The following FHIP1A variants were observed in gnomAD, a reference collection of about 807,000 sequenced individuals.
The protein encoded by FHIP1A is FHF complex subunit HOOK interacting protein 1A, also known as FHF complex subunit HOOK-interacting protein 1A.
Under a neutral mutation model 88.6 loss-of-function variants are expected in FHIP1A, and 61 were observed. The ratio of observed to expected loss-of-function variants is 0.69; its 90% CI spans 0.56 to 0.85. The LOEUF is 0.85. Among genes scored for constraint, FHIP1A ranks in the 40% least tolerant of loss-of-function variants. The pLI, the probability that FHIP1A is intolerant of heterozygous loss-of-function variation, is 0.00. For synonymous variants in FHIP1A, 478 were observed against 496.0 expected (o/e 0.96, Z 0.48); for missense variants, 1,154 against 1,273.5 (o/e 0.91, Z 1.43).
At chr4:151,613,267 T>C (rs531193124) in intron 7 of FHIP1A, among the ~76,000 whole-genome samples, 9 of 152,250 alleles carry the variant, frequency 5.9e-5, no homozygotes, top group Non-Finnish European at 1.3e-4. Context: ...TATTCAAGAA[T>C]GTACAGCATT....
At chr4:151,626,460 A>G (rs904218841) in intron 7 of FHIP1A, among the ~76,000 whole-genome samples, 2 of 152,324 alleles carry the variant, frequency 1.3e-5, no homozygotes. Flanking sequence ...ACTGACACAT[A>G]ATAGTGCTTA....
At chr4:151,531,018 A>T (rs1731858526) in intron 3 of FHIP1A, among the ~76,000 whole-genome samples, 1 of 152,190 alleles carries the variant, frequency 6.6e-6, no homozygotes, top group Non-Finnish European at 1.5e-5. Context: ...AGTAATGGAC[A>T]GGAGCCTTAA....
chr4:151,586,465 A>G (rs1252292630), intron 5 of FHIP1A, among the ~76,000 whole-genome samples, 176 bp from the exon 6 acceptor site: 1 of 152,016 alleles, frequency 6.6e-6, no homozygotes, highest in Non-Finnish European at 1.5e-5. Flanking sequence ...GTCCTTCCCT[A>G]CTGTCTTCAC....
intron 2 of FHIP1A, among the ~76,000 whole-genome samples, chr4:151,478,513 G>A (rs1729787434): frequency 6.6e-6 from 1 of 152,060 alleles, no homozygotes; most frequent in African/African-American, 2.4e-5. Flanking sequence ...TATAAATACT[G>A]CTTATTGAGT....
At chr4:151,485,165 TATA>T (rs1730032236) in intron 3 of FHIP1A, among the ~76,000 whole-genome samples, 1 of 152,180 alleles carries the variant, frequency 6.6e-6, no homozygotes, top group African/African-American at 2.4e-5. Flanking sequence ...ATTTTTAAAT[TATA>T]ATCTGTGCCT....
In FHIP1A at chr4:151,656,121, C is replaced by T; in HGVS notation, c.2552-111C>T. ...CCATATTTGCTGTGTCTGGCTTGCA[C>T]CTGTGGGCCCATGGTGGTTTGGGAG... On this transcript the variant is annotated intron_variant, in intron 11 of 13. Coordinates refer to ENST00000435205, the MANE Select transcript of FHIP1A (RefSeq NM_001109977.3). This position sits in a 1 kb window ranked among gnomAD's most constrained non-coding sequence, Gnocchi z 4.2. 4 of 833,468 alleles carry T rather than the reference C, an allele frequency of 4.8e-6. No individual in the cohort carries two copies. The highest frequency in any genetic ancestry group is 5.4e-5 in the East Asian group (2 of 36,994). The allele number at this position is 833,468 out of a possible 1,614,324, so 51.6% of individuals were successfully genotyped here. A position where few individuals can be genotyped will look rare whatever the true frequency, so the allele number is the denominator to read the frequency against.
chr4:151,486,967 T>TAA (rs72527669), intron 3 of FHIP1A, among the ~76,000 whole-genome samples: 47 of 144,048 alleles, frequency 3.3e-4, no homozygotes, highest in Admixed American at 6.2e-4. Context: ...AAACTCCATT[T>TAA]AAAAAAAAAA....
At chr4:151,585,389 G>A (rs1018332876) in intron 5 of FHIP1A, among the ~76,000 whole-genome samples, 17 of 152,112 alleles carry the variant, frequency 1.1e-4, no homozygotes, top group Non-Finnish European at 1.5e-4. Flanking sequence ...CATGTTGGCC[G>A]GACTGGTCTC....
chr4:151,526,798 C>A (rs1660073829), intron 3 of FHIP1A, among the ~76,000 whole-genome samples: 1 of 151,004 alleles, frequency 6.6e-6, no homozygotes, highest in Admixed American at 6.6e-5. Flanking sequence ...GGGCTCTTCA[C>A]TTCTCAGACG....
intron 3 of FHIP1A, among the ~76,000 whole-genome samples, chr4:151,554,242 C>A (rs960268427): frequency 6.6e-6 from 1 of 152,142 alleles, no homozygotes; most frequent in East Asian, 1.9e-4. Context: ...TAAACAGTGG[C>A]TTTTCTCACT....
At position 151,625,120 on chromosome 4, in the gene FHIP1A, C is replaced by G. The variant is rs1479521582; in HGVS notation, c.979-4582C>G. On this transcript the variant is annotated intron_variant, in intron 7 of 13. Coordinates refer to ENST00000435205, the MANE Select transcript of FHIP1A (RefSeq NM_001109977.3). ...GCGGGTAGGCTCGTAGCCTGTGTTC[C>G]CTGTTAAGACCCTTTCACTCCTGTT... Among the ~76,000 whole-genome samples, 3 of 152,214 alleles carry G rather than the reference C, an allele frequency of 2.0e-5. No individual in the cohort carries two copies. In the East Asian group the frequency reaches 5.8e-4, roughly 29 times the overall value.
intron 1 of FHIP1A, among the ~76,000 whole-genome samples, chr4:151,425,828 CCTGT>C (rs1189952194): frequency 6.6e-6 from 1 of 152,032 alleles, no homozygotes; most frequent in Admixed American, 6.6e-5. Flanking sequence ...TACATGTGTC[CCTGT>C]CTAATTTCTT....
intron 2 of FHIP1A, among the ~76,000 whole-genome samples, chr4:151,464,109 T>A (rs939183157): frequency 6.6e-6 from 1 of 152,148 alleles, no homozygotes. Flanking sequence ...GGACTTGAAC[T>A]CCCACTCCTG....
intron 13 of FHIP1A, among the ~76,000 whole-genome samples, chr4:151,661,235 G>A (rs566671219): frequency 6.6e-6 from 1 of 152,214 alleles, no homozygotes; most frequent in African/African-American, 2.4e-5. Context: ...CTCCAAGGTT[G>A]ACATGTACCT....
rs758462158 is a variant in FHIP1A, at chr4:151,650,376, C to A, written c.2335C>A (p.Pro779Thr). 5 of 1,551,550 alleles carry A rather than the reference C, an allele frequency of 3.2e-6. No homozygotes were observed. The highest frequency in any genetic ancestry group is 2.7e-5 in the African/African-American group (2 of 73,012). The change falls in exon 11 of 14, where the codon CCC becomes ACC. Residue 779 changes from proline (P) to threonine (T), a missense_variant. Pro to Thr is a conservative substitution (Grantham distance 38, BLOSUM62 -1). Transcript: ENST00000435205. ...GGAACAGAATTACCCCACACCTGAT[C>A]CCTTGCTTCTCACTAAGGAGGAAGA... ...LMEQNYPTPDPLLLTKEEEGK... is the reference protein window; with the variant it reads ...LMEQNYPTPDTLLLTKEEEGK...
At chr4:151,580,107 G>A (rs1042626707) in intron 5 of FHIP1A, among the ~76,000 whole-genome samples, 12 of 151,996 alleles carry the variant, frequency 7.9e-5, no homozygotes, top group African/African-American at 2.7e-4. Flanking sequence ...CTCCCCATTT[G>A]TAGAGTCCAA....
At chr4:151,604,151 G>C (rs1822346) in intron 7 of FHIP1A, among the ~76,000 whole-genome samples, 48,387 of 151,366 alleles carry the variant, frequency 0.32, 7,731 homozygotes, top group Non-Finnish European at 0.33. Flanking sequence ...GTGGTCAAGA[G>C]TTACTCTTTC....
At chr4:151,508,631 G>C (rs768434134) in intron 3 of FHIP1A, among the ~76,000 whole-genome samples, 2 of 152,132 alleles carry the variant, frequency 1.3e-5, no homozygotes, top group Non-Finnish European at 2.9e-5. Context: ...TGCATAGAAA[G>C]GCTCTCAGAA....
At chr4:151,587,697 T>G (rs1734273233) in intron 6 of FHIP1A, among the ~76,000 whole-genome samples, 1 of 152,058 alleles carries the variant, frequency 6.6e-6, no homozygotes, top group Admixed American at 6.5e-5. Context: ...AAGATGTTAG[T>G]TATAATCTGT....
Sources: allele counts gnomAD v4.1 joint callset (sites outside exome capture counted in the v4.1 genomes callset), GRCh38; gene constraint gnomAD v4.1.1; non-coding constraint Gnocchi (gnomAD v3.1); transcripts MANE v1.5; gene names NCBI Gene and HGNC (gene_info 2026-07-23, HGNC 2026-07-21).